Variants in OTOG observed in about 807,000 individuals in gnomAD.
OTOG encodes otogelin.
Under a neutral mutation model 313.8 loss-of-function variants are expected in OTOG, and 296 were observed. The observed-to-expected ratio is 0.94, with a 90% CI of 0.86 to 1.04. The LOEUF (loss-of-function observed/expected upper bound fraction) is 1.04. Ranked by LOEUF, OTOG falls within the 50% of genes least tolerant of loss-of-function variation. The pLI, the probability that OTOG is intolerant of heterozygous loss-of-function variation, is 0.00. For synonymous variants in OTOG, 1,533 were observed against 1,554.9 expected, an observed-to-expected ratio of 0.99 and a Z score of 0.33; for missense variants, 3,948 against 3,840.1, an observed-to-expected ratio of 1.03 and a Z score of -0.74.
rs200893640 is a variant in OTOG at position 17,555,724 on chromosome 11, C to T, written c.541-55C>T. On this transcript the variant is annotated intron_variant, in intron 6 of 55. Coordinates refer to ENST00000399397, the MANE Select transcript of OTOG (RefSeq NM_001292063.2). ...TGAAAACTCAATAAGGTGTGAAGCT[C>T]AGGGTCAGGCCTGTGGCAGGAGCCT... 4.0e-5 allele frequency: 57 copies of T among 1,412,906 alleles called. 2 individuals are homozygous for T. The Middle Eastern group carries it at 9.4e-4, about 23-fold the overall frequency. 87.5% of individuals were successfully genotyped at this position (1,412,906 alleles called of 1,614,324 possible). A position where few individuals can be genotyped will look rare whatever the true frequency, so the allele number is the denominator to read the frequency against.
At chr11:17,599,620 G>C in intron 30 of OTOG, 51 bp from the exon 31 acceptor site, 1 of 1,546,076 alleles carries the variant, frequency 6.5e-7, no homozygotes, top group South Asian at 1.2e-5. Context: ...CTGTCTGTCT[G>C]TTCCAGGCTC....
At chr11:17,558,987 G>T (rs1852116860) in intron 10 of OTOG, 65 bp from the exon 11 acceptor site, 12 of 1,285,976 alleles carry the variant, frequency 9.3e-6, no homozygotes, top group Admixed American at 2.0e-5. Context: ...AGTGTCTATG[G>T]GATGCTGGTG....
At position 17,560,719 on chromosome 11, in the gene OTOG, C is replaced by G. The variant is rs189947237; in HGVS notation, c.1353C>G (p.Phe451Leu). 6.4e-7 allele frequency: 1 copy of G among 1,550,424 alleles called. No homozygotes were observed. The highest frequency in any genetic ancestry group is 1.4e-5 in the African/African-American group (1 of 73,138). Residue 451 changes from phenylalanine (F) to leucine (L), a missense_variant, in exon 13 of 56, where the codon TTC (phenylalanine) becomes TTG (leucine). Transcript: ENST00000399397. Reference protein sequence around the residue: ...DGCYCPNGLIFEDGGCVAPAE... With the variant: ...DGCYCPNGLILEDGGCVAPAE... ...TTGCTGTCACTCTAGGGCTCATCTT[C>G]GAGGATGGGGGCTGCGTGGCACCAG...
intron 39 of OTOG, among the ~76,000 whole-genome samples, chr11:17,615,808 A>G (rs1017615995): frequency 1.1e-4 from 17 of 152,092 alleles, no homozygotes; most frequent in African/African-American, 4.1e-4. Context: ...CGCACCTATA[A>G]TCCCAGCTAC....
chr11:17,570,298 G>A lies in OTOG; in HGVS notation c.1863G>A (p.Gly621=). 6.4e-7 allele frequency: 1 copy of A among 1,550,800 alleles called. No individual in the cohort carries two copies. Among genetic ancestry groups the A allele is most frequent in the Non-Finnish European group, 8.7e-7 (1 of 1,147,044 alleles). Reference sequence around the variant, plus strand: ...TGCGGGTGCTCTACGACCGTGAAGGGCTCCGACTGTACCTGCAAGTGGACC... The same window carrying A: ...TGCGGGTGCTCTACGACCGTGAAGGACTCCGACTGTACCTGCAAGTGGACC... ...VGVRVLYDRE[G]LRLYLQVDQR... is the part of the protein sequence containing the mutation. The change falls in exon 17 of 56, where the codon GGG becomes GGA. Residue 621 remains glycine, a synonymous_variant. Coordinates refer to ENST00000399397, the MANE Select transcript of OTOG (RefSeq NM_001292063.2).
chr11:17,568,077 T>C (rs1852326603), intron 15 of OTOG, among the ~76,000 whole-genome samples: 1 of 150,080 alleles, frequency 6.7e-6, no homozygotes, highest in South Asian at 2.1e-4. Context: ...CTGGCTAATT[T>C]TTTGTATTTT....
chr11:17,626,757 G>A (rs558593992), intron 39 of OTOG, among the ~76,000 whole-genome samples: 1 of 151,996 alleles, frequency 6.6e-6, no homozygotes, highest in African/African-American at 2.4e-5. Flanking sequence ...CATGAGCATG[G>A]GCTATCTTTC....
Position 17,561,731 on chromosome 11 carries a change from CAT to C in OTOG, c.1569_1570del (p.Cys524SerfsTer58). ...GGCCGCCGGTACACGTTCCCCGCCACATGTCAGTACATCCTGGCCAAGAGCCG... is the reference window on the plus strand; with the variant it reads ...GGCCGCCGGTACACGTTCCCCGCCACGTCAGTACATCCTGGCCAAGAGCCG... On this transcript the variant is annotated frameshift_variant, in exon 15 of 56. Coordinates refer to ENST00000399397, the MANE Select transcript of OTOG (RefSeq NM_001292063.2). LOFTEE classifies it high-confidence loss of function. 1.9e-6 allele frequency: 3 copies of C among 1,550,574 alleles called. No homozygotes were observed. Among genetic ancestry groups the C allele is most frequent in the Non-Finnish European group, 2.6e-6 (3 of 1,146,988 alleles).
At chr11:17,558,343 A>G (rs1852100270) in intron 9 of OTOG, 28 bp downstream of exon 9, 1 of 1,548,696 alleles carries the variant, frequency 6.5e-7, no homozygotes, top group African/African-American at 1.4e-5. Flanking sequence ...AAACTCCCCT[A>G]CCCTAGAGCC....
chr11:17,557,046 G>A, intron 7 of OTOG, 72 bp from the exon 8 acceptor site: 1 of 1,445,354 alleles, frequency 6.9e-7, no homozygotes, highest in Non-Finnish European at 9.4e-7. Context: ...GGGACTGGCT[G>A]TTCCTTCGGT....
rs1439314914 is a variant in OTOG at position 17,559,875 on chromosome 11, A to AC, written c.1342+213_1342+214insC. Reference sequence around the variant, plus strand: ...AAAGAAGGAAGGGAAGAAGGAAGGAAGGAAGGAAGGGAGAGAGGGAGGGAG... The same window carrying AC: ...AAAGAAGGAAGGGAAGAAGGAAGGAACGGAAGGAAGGGAGAGAGGGAGGGAG... On this transcript the variant is annotated intron_variant, in intron 12 of 55. Coordinates refer to ENST00000399397, the MANE Select transcript of OTOG (RefSeq NM_001292063.2). 5.5e-4 allele frequency among the ~76,000 whole-genome samples: 70 copies of AC among 127,730 alleles called. 1 individual carries two copies. Among genetic ancestry groups the AC allele is most frequent in the Admixed American group, 4.3e-3 (57 of 13,296 alleles). 83.8% of individuals were successfully genotyped at this position (127,730 alleles called of 152,430 possible). A position where few individuals can be genotyped will look rare whatever the true frequency, so the allele number is the denominator to read the frequency against.
At chr11:17,602,424 G>T (rs1853278624) in intron 32 of OTOG, 47 bp downstream of exon 32, 1 of 1,525,982 alleles carries the variant, frequency 6.6e-7, no homozygotes, top group Non-Finnish European at 8.8e-7. Flanking sequence ...GAGGCAGGAG[G>T]GTGCTAGAGG....
chr11:17,645,007 A>G (rs529760544), intron 54 of OTOG, among the ~76,000 whole-genome samples: 105 of 152,322 alleles, frequency 6.9e-4, no homozygotes, highest in African/African-American at 2.4e-3. Context: ...GAGGAAACCC[A>G]CACTGGTTAG....
Position 17,557,068 on chromosome 11 carries a change from G to A in OTOG, c.660-50G>A. ...GCTGTTCCTTCGGTGAAGAGACTGG[G>A]CTAGTGGAGGTGTTGTGGATACCCT... On this transcript the variant is annotated intron_variant, in intron 7 of 55. Transcript: ENST00000399397. 4 of 1,519,720 alleles carry A rather than the reference G, an allele frequency of 2.6e-6. 1 individual carries two copies. 94.1% of individuals were successfully genotyped at this position (1,519,720 alleles called of 1,614,324 possible). A position where few individuals can be genotyped will look rare whatever the true frequency, so the allele number is the denominator to read the frequency against.
chr11:17,612,027 G>C, intron 36 of OTOG, 135 bp from the exon 37 acceptor site: 1 of 1,075,770 alleles, frequency 9.3e-7, no homozygotes, highest in Non-Finnish European at 1.3e-6. Flanking sequence ...TGGGTAGGGG[G>C]TGAGGGCCTC....
chr11:17,583,446 C>T (rs1430336379), intron 23 of OTOG, among the ~76,000 whole-genome samples: 2 of 152,188 alleles, frequency 1.3e-5, no homozygotes, highest in Non-Finnish European at 1.5e-5. Context: ...TTAGCTTTTA[C>T]ATTTAAGCCT....
chr11:17,612,775 C>T lies in OTOG; in HGVS notation c.6438+10C>T, dbSNP rs1180487550. 4.5e-6 allele frequency: 7 copies of T among 1,549,424 alleles called. No homozygotes were observed. The African/African-American group carries it at 8.2e-5, about 18-fold the overall frequency. On this transcript the variant is annotated intron_variant, in intron 38 of 55. Transcript: ENST00000399397. The stretch of plus-strand genomic sequence containing the variant: ...CAAAAGTGCCAACCTGGTGCCTGCC[C>T]CATACCTCCCTCCCTGCTGGGGACT...
At chr11:17,561,004 ACTGAGGG>A (rs1852170325) in intron 13 of OTOG, 80 bp from the exon 14 acceptor site, 1 of 1,424,424 alleles carries the variant, frequency 7.0e-7, no homozygotes, top group African/African-American at 1.4e-5. Flanking sequence ...AGATGGGAAG[ACTGAGGG>A]CTGTGGGCCC....
Position 17,555,872 on chromosome 11 carries a change from A to G in OTOG, c.634A>G (p.Lys212Glu). 1.3e-6 allele frequency: 2 copies of G among 1,551,096 alleles called. No individual in the cohort carries two copies. The highest frequency in any genetic ancestry group is 1.7e-6 in the Non-Finnish European group (2 of 1,147,082). ...GGGTGAGCAGGAGATCCATCTGGCC[A>G]AGGAGGTCACCCATGGAGGCATGAG... ...FVGEQEIHLA[K>E]EVTHGGMRVQ... The change falls in exon 7 of 56, where the codon AAG becomes GAG. Residue 212 changes from lysine (K) to glutamate (E), a missense_variant. By Grantham distance (56) the Lys-to-Glu change is moderately conservative. Coordinates refer to ENST00000399397, the MANE Select transcript of OTOG (RefSeq NM_001292063.2).
Sources: allele counts gnomAD v4.1 joint callset (sites outside exome capture counted in the v4.1 genomes callset), GRCh38; gene constraint gnomAD v4.1.1; transcripts MANE v1.5; gene names NCBI Gene and HGNC (gene_info 2026-07-23, HGNC 2026-07-21).